The following UNC13C variants were observed in gnomAD, a reference collection of about 807,000 sequenced individuals.
The protein encoded by UNC13C is protein unc-13 homolog C.
A neutral mutation model predicts 245.4 loss-of-function variants in UNC13C; 174 were observed. The ratio of observed to expected loss-of-function variants is 0.71; its 90% CI spans 0.63 to 0.80. UNC13C has a LOEUF of 0.80. UNC13C is among the 30% of genes least tolerant of loss of function. The probability of loss-of-function intolerance (pLI) is 0.00; values close to 1 mark genes in which losing one functional copy is unlikely to be tolerated. For missense variants in UNC13C, 2,829 were observed against 2,602.9 expected (o/e 1.09, Z -1.89); for synonymous variants, 992 against 895.1 (o/e 1.11, Z -1.93).
At chr15:54,243,896 G>A (rs1159335488) in intron 7 of UNC13C, among the ~76,000 whole-genome samples, 4 of 152,106 alleles carry the variant, frequency 2.6e-5, no homozygotes, top group Non-Finnish European at 5.9e-5. Context: ...CAGACAGATA[G>A]ATTGCAAAAA....
At chr15:53,961,912 A>G in the UNC13C span, among the ~76,000 whole-genome samples, 1 of 152,138 alleles carries the variant, frequency 6.6e-6, no homozygotes, top group Non-Finnish European at 1.5e-5. Context: ...AGAAATTACA[A>G]ACTCCTTCTC....
intron 19 of UNC13C, among the ~76,000 whole-genome samples, chr15:54,458,543 A>G (rs959989448): frequency 6.6e-6 from 1 of 152,122 alleles, no homozygotes; most frequent in African/African-American, 2.4e-5. Context: ...TAGATATAGT[A>G]ATAATTGTCT....
chr15:54,319,677 C>T (rs2038100010), intron 13 of UNC13C, among the ~76,000 whole-genome samples: 1 of 146,218 alleles, frequency 6.8e-6, no homozygotes, highest in African/African-American at 2.6e-5. Context: ...GTGAGTGCCA[C>T]TCAGGGCAGC....
At chr15:54,626,789 A>AAAGTT (rs747499391) in intron 32 of UNC13C, 39 bp from the exon 33 acceptor site, 5 of 1,569,840 alleles carry the variant, frequency 3.2e-6, no homozygotes, top group East Asian at 2.3e-5. Context: ...TAGTGGAAGT[A>AAAGTT]AAGTTTTTGC....
intron 2 of UNC13C, among the ~76,000 whole-genome samples, chr15:54,062,037 C>G (rs1897863426): frequency 6.6e-6 from 1 of 152,030 alleles, no homozygotes; most frequent in African/African-American, 2.4e-5. Flanking sequence ...TCTCCATCCT[C>G]AGTCGGGCGT....
chr15:54,626,303 CTGGA>C (rs72470331), intron 32 of UNC13C, among the ~76,000 whole-genome samples: 84,994 of 151,422 alleles, frequency 0.56, 25,155 homozygotes, highest in Middle Eastern at 0.69. Context: ...TTGATTTACT[CTGGA>C]TGGAGATTTG....
chr15:54,557,055 A>G (rs1032359044), intron 29 of UNC13C, among the ~76,000 whole-genome samples: 2 of 152,014 alleles, frequency 1.3e-5, no homozygotes, highest in South Asian at 4.1e-4. Context: ...CAGCTCAACT[A>G]TCCTATCTTC....
chr15:53,903,429 T>C, the UNC13C span, among the ~76,000 whole-genome samples: 1 of 152,222 alleles, frequency 6.6e-6, no homozygotes, highest in Admixed American at 6.5e-5. Context: ...CTAATTAAGT[T>C]TCCTGAATTT....
At chr15:53,931,939 G>C in the UNC13C span, among the ~76,000 whole-genome samples, 2 of 152,104 alleles carry the variant, frequency 1.3e-5, no homozygotes, top group African/African-American at 2.4e-5. Context: ...CCTACCATCA[G>C]TGTTAGTGTT....
chr15:54,236,885 A>G (rs1022106366), intron 6 of UNC13C, among the ~76,000 whole-genome samples: 5 of 152,160 alleles, frequency 3.3e-5, no homozygotes, highest in African/African-American at 1.2e-4. Flanking sequence ...CTTTGCTCCT[A>G]ATGGGATAAC....
At chr15:54,533,579 T>C (rs1895855420) in intron 26 of UNC13C, among the ~76,000 whole-genome samples, 1 of 152,190 alleles carries the variant, frequency 6.6e-6, no homozygotes. Flanking sequence ...TTTTACACAC[T>C]GGACAGTGAA....
At chr15:53,907,990 G>A in the UNC13C span, among the ~76,000 whole-genome samples, 3 of 146,898 alleles carry the variant, frequency 2.0e-5, no homozygotes, top group Admixed American at 7.0e-5. Flanking sequence ...TTAAATACAT[G>A]TATCTTGAAG....
chr15:54,397,758 C>T (rs1257820769), intron 18 of UNC13C, among the ~76,000 whole-genome samples: 1 of 151,226 alleles, frequency 6.6e-6, no homozygotes, highest in East Asian at 1.9e-4. Flanking sequence ...TTATTACTAT[C>T]TTAAATGGTA....
intron 18 of UNC13C, among the ~76,000 whole-genome samples, chr15:54,397,137 A>G (rs531295097): frequency 4.6e-4 from 69 of 151,570 alleles, no homozygotes; most frequent in African/African-American, 1.5e-3. Flanking sequence ...TTGCAACACA[A>G]TTTTCTTCTA....
chr15:54,102,849 G>T (rs1392114958), intron 2 of UNC13C, among the ~76,000 whole-genome samples: 1 of 152,134 alleles, frequency 6.6e-6, no homozygotes, highest in Non-Finnish European at 1.5e-5. Context: ...ACATTTGATT[G>T]GTCCTCCTGG....
intron 2 of UNC13C, among the ~76,000 whole-genome samples, chr15:54,090,958 G>A (rs1026860655): frequency 1.3e-5 from 2 of 151,722 alleles, no homozygotes; most frequent in African/African-American, 2.4e-5. Flanking sequence ...AGGCCTCTGT[G>A]CAGAGAGATG....
At position 54,297,506 on chromosome 15, in the gene UNC13C, ACACAC is replaced by A. The variant is rs1403509288; in HGVS notation, c.3989-303_3989-299del. Among the ~76,000 whole-genome samples the A allele has an allele frequency of 4.7e-5, 7 of 149,810 alleles. No individual in the cohort carries two copies. In the East Asian group the frequency reaches 1.4e-3, roughly 29 times the overall value. ...TAGCTAAGACTGCAGGCAAGCACCA[ACACAC>A]CTGCCTAATTAAAAAAAAAAAATGT... On this transcript the variant is annotated intron_variant, in intron 11 of 32. Coordinates refer to ENST00000260323, the MANE Select transcript of UNC13C (RefSeq NM_001080534.3).
intron 2 of UNC13C, among the ~76,000 whole-genome samples, chr15:54,131,834 C>A (rs2031434640): frequency 6.6e-6 from 1 of 152,104 alleles, no homozygotes; most frequent in Non-Finnish European, 1.5e-5. Context: ...ATGTCTCAGT[C>A]CCTAACACTC....
At chr15:54,415,810 G>A (rs1231736464) in intron 19 of UNC13C, among the ~76,000 whole-genome samples, 1 of 152,186 alleles carries the variant, frequency 6.6e-6, no homozygotes, top group Non-Finnish European at 1.5e-5. Context: ...CTACAAGAAT[G>A]CAAACAGTTG....
Sources: allele counts gnomAD v4.1 joint callset (sites outside exome capture counted in the v4.1 genomes callset), GRCh38; gene constraint gnomAD v4.1.1; transcripts MANE v1.5; gene names NCBI Gene and HGNC (gene_info 2026-07-23, HGNC 2026-07-21).